LIN52: variants seen among roughly 807,000 people sequenced by gnomAD.
LIN52 encodes the protein protein lin-52 homolog.
In LIN52, 4 loss-of-function variants were observed where a neutral mutation model predicts 18.5. The ratio of observed to expected loss-of-function variants is 0.22; its 90% CI spans 0.11 to 0.49. LIN52 has a LOEUF of 0.49. Among genes scored for constraint, LIN52 ranks in the 20% least tolerant of loss-of-function variants. The probability of loss-of-function intolerance (pLI) is 0.97; values close to 1 mark genes in which losing one functional copy is unlikely to be tolerated. For missense variants in LIN52, 102 were observed against 139.5 expected (o/e 0.73, Z 1.35); for synonymous variants, 34 against 45.5 (o/e 0.75, Z 1.02).
intron 5 of LIN52, among the ~76,000 whole-genome samples, chr14:74,166,042 C>T (rs1595182157): frequency 6.6e-6 from 1 of 151,562 alleles, no homozygotes; most frequent in African/African-American, 2.4e-5. Flanking sequence ...CAGGCATGCG[C>T]CACCATTCCC....
At chr14:74,188,116 A>G (rs2061348307) in intron 5 of LIN52, among the ~76,000 whole-genome samples, 1 of 152,212 alleles carries the variant, frequency 6.6e-6, no homozygotes, top group Non-Finnish European at 1.5e-5. Flanking sequence ...CCATACACAA[A>G]AATTCATAGA....
chr14:74,145,594 A>G (rs2034347845), intron 5 of LIN52, among the ~76,000 whole-genome samples: 1 of 152,224 alleles, frequency 6.6e-6, no homozygotes, highest in African/African-American at 2.4e-5. Flanking sequence ...GCAAAGTCAT[A>G]TGCTTTGAGC....
intron 5 of LIN52, among the ~76,000 whole-genome samples, chr14:74,173,735 G>A (rs1218575231): frequency 6.6e-6 from 1 of 152,096 alleles, no homozygotes; most frequent in African/African-American, 2.4e-5. Flanking sequence ...TAGTATCTTT[G>A]TTATTAAAAA....
intron 5 of LIN52, among the ~76,000 whole-genome samples, chr14:74,173,363 T>A (rs1365601724): frequency 7.2e-5 from 11 of 152,130 alleles, no homozygotes; most frequent in Admixed American, 7.2e-4. Flanking sequence ...AATTTTGTAT[T>A]TTTAGTAGAG....
intron 5 of LIN52, among the ~76,000 whole-genome samples, chr14:74,138,661 G>A (rs1326375386): frequency 6.6e-6 from 1 of 150,908 alleles, no homozygotes; most frequent in African/African-American, 2.4e-5. Context: ...GCTAAGGTGG[G>A]AAAATCACTT....
chr14:74,156,857 A>G (rs953473229), intron 5 of LIN52, among the ~76,000 whole-genome samples: 1 of 152,052 alleles, frequency 6.6e-6, no homozygotes, highest in African/African-American at 2.4e-5. Context: ...TTAGGAGATC[A>G]ACTTTTTTAG....
In LIN52 at chr14:74,097,844, C is replaced by T. The variant is rs749734767; in HGVS notation, c.183C>T (p.Asp61=). 3.9e-5 allele frequency: 63 copies of T among 1,612,704 alleles called. No individual in the cohort carries two copies. The South Asian group carries it at 6.0e-4, about 15-fold the overall frequency. The change falls in exon 4 of 6, where the codon GAC becomes GAT. Residue 61 remains aspartate (D), a synonymous_variant. Coordinates refer to ENST00000555028, the MANE Select transcript of LIN52 (RefSeq NM_001024674.3). ...GGATGGCTGAGATAGAACGTGATGA[C>T]ATCGACATGTTGAAAGGTAAGTGAT... ...PKWMAEIERD[D]IDMLKELGSL...
intron 5 of LIN52, among the ~76,000 whole-genome samples, chr14:74,169,077 G>C (rs566793189): frequency 1.3e-5 from 2 of 152,236 alleles, no homozygotes; most frequent in African/African-American, 4.8e-5. Flanking sequence ...AATTTCCGGA[G>C]AGAAAGGAAT....
chr14:74,157,292 C>G (rs933189576), intron 5 of LIN52, among the ~76,000 whole-genome samples: 3 of 151,882 alleles, frequency 2.0e-5, no homozygotes, highest in African/African-American at 7.3e-5. Context: ...CTCAGCCTCC[C>G]AAAGTGCTGG....
chr14:74,094,627 T>C (rs967623295), intron 2 of LIN52, among the ~76,000 whole-genome samples: 12 of 152,172 alleles, frequency 7.9e-5, no homozygotes, highest in African/African-American at 1.2e-4. Flanking sequence ...TTCATATACA[T>C]GGAAGAGGAT....
At chr14:74,177,474 G>A (rs998153180) in intron 5 of LIN52, among the ~76,000 whole-genome samples, 1 of 149,032 alleles carries the variant, frequency 6.7e-6, no homozygotes, top group Non-Finnish European at 1.5e-5. Flanking sequence ...ATCATGCAAT[G>A]GTCCAAATAC....
intron 5 of LIN52, among the ~76,000 whole-genome samples, chr14:74,179,308 G>T (rs369137561): frequency 6.6e-6 from 1 of 152,084 alleles, no homozygotes; most frequent in African/African-American, 2.4e-5. Context: ...GGACTGTATT[G>T]TAGCCTTAAC....
intron 5 of LIN52, among the ~76,000 whole-genome samples, chr14:74,135,784 TGTCA>T (rs1338493323): frequency 6.6e-6 from 1 of 152,068 alleles, no homozygotes; most frequent in African/African-American, 2.4e-5. Context: ...CAGGCCCCTT[TGTCA>T]GTCATTTCTT....
At chr14:74,144,399 T>G (rs1214400331) in intron 5 of LIN52, among the ~76,000 whole-genome samples, 1 of 152,092 alleles carries the variant, frequency 6.6e-6, no homozygotes, top group Non-Finnish European at 1.5e-5. Context: ...AAGGCAGGGA[T>G]TACAGATGTG....
intron 5 of LIN52, among the ~76,000 whole-genome samples, chr14:74,142,741 G>A (rs2061136888): frequency 6.7e-6 from 1 of 149,922 alleles, no homozygotes; most frequent in African/African-American, 2.5e-5. Flanking sequence ...CGTTTTTATG[G>A]GGGCTGTAAA....
intron 5 of LIN52, among the ~76,000 whole-genome samples, chr14:74,196,436 G>T (rs1360433734): frequency 2.0e-5 from 3 of 152,144 alleles, no homozygotes; most frequent in Admixed American, 2.0e-4. Context: ...CCAGGCCCAG[G>T]ATTTTTGGAA....
intron 5 of LIN52, among the ~76,000 whole-genome samples, chr14:74,110,499 T>G (rs2060919573): frequency 6.6e-6 from 1 of 151,928 alleles, no homozygotes; most frequent in Non-Finnish European, 1.5e-5. Flanking sequence ...GCCAACATGG[T>G]AAAACCTTGT....
chr14:74,139,355 G>A (rs1229074632), intron 5 of LIN52, among the ~76,000 whole-genome samples: 1 of 152,234 alleles, frequency 6.6e-6, no homozygotes. Flanking sequence ...CTTTGCAAGA[G>A]CAGTGGGGTC....
At chr14:74,120,347 A>C (rs2060991851) in intron 5 of LIN52, among the ~76,000 whole-genome samples, 1 of 151,620 alleles carries the variant, frequency 6.6e-6, no homozygotes, top group Non-Finnish European at 1.5e-5. Flanking sequence ...GGCCAGGCGC[A>C]GTGGCTCATA....
Sources: gnomAD v4.1 joint callset for allele counts (sites outside exome capture counted in the v4.1 genomes callset) on GRCh38, gnomAD v4.1.1 for gene constraint, MANE v1.5 for transcripts, NCBI Gene and HGNC (gene_info 2026-07-23, HGNC 2026-07-21) for gene names.